The following HIVEP2 variants were observed in gnomAD, a reference collection of about 807,000 sequenced individuals.
HIVEP2 encodes transcription factor HIVEP2.
HIVEP2 carries 14 observed loss-of-function variants against 180.7 expected under a neutral mutation model. The observed-to-expected ratio is 0.08, with a 90% CI of 0.05 to 0.12. The LOEUF is 0.12. HIVEP2 is among the 10% of genes least tolerant of loss of function. The pLI, the probability that HIVEP2 is intolerant of heterozygous loss-of-function variation, is 1.00. For synonymous variants in HIVEP2, 1,184 were observed against 1,136.4 expected (o/e 1.04, Z -0.84); for missense variants, 2,579 against 3,008.5 (o/e 0.86, Z 3.34).
In HIVEP2 at chr6:142,819,233, A is replaced by G. The variant is rs1776962671; in HGVS notation, c.-528+17702T>C. 2.0e-5 allele frequency among the ~76,000 whole-genome samples: 3 copies of G among 152,156 alleles called. No homozygotes were observed. In the South Asian group the frequency reaches 6.2e-4, roughly 31 times the overall value. ...GAGTGAGACCCTGTCTCAAATTTTA[A>G]AAAAAGAAAAAAGGGGAAAAAAAGA... On this transcript the variant is annotated intron_variant, in intron 2 of 9. Coordinates refer to ENST00000367603, the MANE Select transcript of HIVEP2 (RefSeq NM_006734.4).
chr6:142,911,365 G>A (rs1056921920), intron 1 of HIVEP2, among the ~76,000 whole-genome samples: 2 of 152,152 alleles, frequency 1.3e-5, no homozygotes, highest in African/African-American at 4.8e-5. Flanking sequence ...GGGCATTTAA[G>A]ATCAAGGAGA....
intron 1 of HIVEP2, among the ~76,000 whole-genome samples, chr6:142,893,723 C>T (rs1052380712): frequency 6.6e-6 from 1 of 152,170 alleles, no homozygotes; most frequent in African/African-American, 2.4e-5. Context: ...AACTTGTTAA[C>T]TCTGCCCTAA....
intron 2 of HIVEP2, among the ~76,000 whole-genome samples, chr6:142,791,086 C>G (rs952172955): frequency 6.6e-6 from 1 of 152,098 alleles, no homozygotes; most frequent in Non-Finnish European, 1.5e-5. Context: ...GACAATTTTC[C>G]TAGAGAGTGG....
intron 1 of HIVEP2, among the ~76,000 whole-genome samples, chr6:142,864,371 C>T (rs1308362759): frequency 6.6e-6 from 1 of 152,190 alleles, no homozygotes; most frequent in African/African-American, 2.4e-5. Flanking sequence ...CTGTGTTCCT[C>T]AACATCACAG....
intron 1 of HIVEP2, among the ~76,000 whole-genome samples, chr6:142,869,717 A>T (rs963768148): frequency 6.6e-6 from 1 of 152,178 alleles, no homozygotes; most frequent in Non-Finnish European, 1.5e-5. Flanking sequence ...TTAAAAATGT[A>T]TACTGAATCA....
At chr6:142,855,395 A>G (rs1325122825) in intron 1 of HIVEP2, among the ~76,000 whole-genome samples, 2 of 152,238 alleles carry the variant, frequency 1.3e-5, no homozygotes, top group Non-Finnish European at 2.9e-5. Flanking sequence ...CTTCTGTACA[A>G]GTAACCGTCA....
intron 2 of HIVEP2, among the ~76,000 whole-genome samples, chr6:142,815,425 A>C (rs1252595225): frequency 6.6e-6 from 1 of 152,222 alleles, no homozygotes; most frequent in East Asian, 1.9e-4. Context: ...ACAATAGAAA[A>C]GTCACATTAA....
Position 142,773,404 on chromosome 6 carries a change from C to T in HIVEP2, c.1335G>A (p.Gln445=), listed in dbSNP as rs778836817. Residue 445 remains glutamine (Q), a synonymous_variant, in exon 5 of 10, where the codon CAG becomes CAA. Coordinates refer to ENST00000367603, the MANE Select transcript of HIVEP2 (RefSeq NM_006734.4). ...CCTTCCTACCCATTGCGGCACGCTC[C>T]TGACTTGTGGTTGTAACACTGAGTG... ...RNALSVTTTS[Q]ERAAMGRKGI... 5 of 1,614,170 alleles carry T rather than the reference C, an allele frequency of 3.1e-6. No individual in the cohort carries two copies. In the East Asian group the frequency reaches 8.9e-5, roughly 29 times the overall value.
chr6:142,896,878 T>C (rs953085912), intron 1 of HIVEP2, among the ~76,000 whole-genome samples: 2 of 152,148 alleles, frequency 1.3e-5, no homozygotes, highest in Admixed American at 6.5e-5. Context: ...TTCACAATGA[T>C]GCAGAAATGC....
At chr6:142,896,795 A>G (rs9496474) in intron 1 of HIVEP2, among the ~76,000 whole-genome samples, 13,894 of 152,100 alleles carry the variant, frequency 0.091, 1,838 homozygotes, top group African/African-American at 0.29. Context: ...ATTCTGCTCA[A>G]TTATCATCTT....
chr6:142,885,597 G>T (rs183161974), intron 1 of HIVEP2, among the ~76,000 whole-genome samples: 71 of 152,184 alleles, frequency 4.7e-4, no homozygotes, highest in Admixed American at 4.6e-4. Flanking sequence ...CACTGATGAC[G>T]CATATCCAGG....
intron 7 of HIVEP2, among the ~76,000 whole-genome samples, chr6:142,762,822 A>C (rs998976597): frequency 3.3e-5 from 5 of 152,166 alleles, no homozygotes; most frequent in Non-Finnish European, 7.4e-5. Context: ...TATACTTATA[A>C]ATTTTACATG....
chr6:142,930,870 C>G (rs1425084531), intron 1 of HIVEP2, among the ~76,000 whole-genome samples: 2 of 152,126 alleles, frequency 1.3e-5, no homozygotes, highest in East Asian at 3.8e-4. Context: ...CTATTCTCTC[C>G]TAGTCACTCA....
chr6:142,805,905 A>T (rs1776536766), intron 2 of HIVEP2, among the ~76,000 whole-genome samples: 1 of 152,206 alleles, frequency 6.6e-6, no homozygotes, highest in African/African-American at 2.4e-5. Context: ...TGCCAGGTCT[A>T]CAATGGGGAA....
At chr6:142,813,865 C>T (rs1387655856) in intron 2 of HIVEP2, among the ~76,000 whole-genome samples, 1 of 151,890 alleles carries the variant, frequency 6.6e-6, no homozygotes, top group South Asian at 2.1e-4. Flanking sequence ...CATGCCTGGC[C>T]TCAGATGTTT....
chr6:142,926,775 C>G (rs1357442570), intron 1 of HIVEP2, among the ~76,000 whole-genome samples: 4 of 152,170 alleles, frequency 2.6e-5, no homozygotes, highest in African/African-American at 9.7e-5. Flanking sequence ...TTCTCCCTCC[C>G]GGACCAGCTC....
At chr6:142,778,683 G>A (rs1031837163) in intron 3 of HIVEP2, among the ~76,000 whole-genome samples, 1 of 152,148 alleles carries the variant, frequency 6.6e-6, no homozygotes, top group East Asian at 1.9e-4. Context: ...TATGCTAAGG[G>A]TATTATTACA....
At position 142,847,470 on chromosome 6, in the gene HIVEP2, C is replaced by T. The variant is rs189292309; in HGVS notation, c.-640-10423G>A. Reference sequence around the variant, plus strand: ...AGTTTAAGAGTTTTACACATATTTGCGATTTAAAATGGTCACTGCTGCTAT... The same window carrying T: ...AGTTTAAGAGTTTTACACATATTTGTGATTTAAAATGGTCACTGCTGCTAT... On this transcript the variant is annotated intron_variant, in intron 1 of 9. Coordinates refer to ENST00000367603, the MANE Select transcript of HIVEP2 (RefSeq NM_006734.4). 2.6e-3 allele frequency among the ~76,000 whole-genome samples: 394 copies of T among 151,750 alleles called. 2 individuals carry two copies. The highest frequency in any genetic ancestry group is 6.7e-3 in the African/African-American group (277 of 41,402).
rs748900921 is a variant in HIVEP2, at chr6:142,760,549, A to G, written c.5739T>C (p.Asp1913=). The change falls in exon 9 of 10, where the codon GAT becomes GAC. Residue 1913 remains aspartate (D), a synonymous_variant. Transcript: ENST00000367603. ...SDGEDGDDND[D]DDEDEDDFDD... is the part of the protein sequence containing the mutation. ...CAAAGTCATCTTCATCTTCATCATC[A>G]TCATCATTATCATCTCCATCCTCAC... 1.9e-6 allele frequency: 3 copies of G among 1,613,608 alleles called. No individual in the cohort carries two copies. The highest frequency in any genetic ancestry group is 1.7e-5 in the Admixed American group (1 of 59,966).
Sources: gnomAD v4.1 joint callset for allele counts (sites outside exome capture counted in the v4.1 genomes callset) on GRCh38, gnomAD v4.1.1 for gene constraint, MANE v1.5 for transcripts, NCBI Gene and HGNC (gene_info 2026-07-23, HGNC 2026-07-21) for gene names.